Variants in GPCPD1 observed in about 807,000 individuals in gnomAD.
GPCPD1 encodes glycerophosphocholine phosphodiesterase 1.
A neutral mutation model predicts 89.2 loss-of-function variants in GPCPD1; 29 were observed. That is an observed-to-expected ratio of 0.33 (90% CI 0.24 to 0.44). GPCPD1 has a LOEUF of 0.44. Among genes scored for constraint, GPCPD1 ranks in the 20% least tolerant of loss-of-function variants. The pLI is 1.00. For synonymous variants in GPCPD1, 258 were observed against 266.3 expected, an observed-to-expected ratio of 0.97 and a Z score of 0.30; for missense variants, 594 against 808.9, an observed-to-expected ratio of 0.73 and a Z score of 3.22.
intron 10 of GPCPD1, 43 bp downstream of exon 10, chr20:5,575,370 T>C: frequency 1.4e-6 from 2 of 1,450,448 alleles, no homozygotes; most frequent in Non-Finnish European, 1.9e-6. Context: ...CTACCGAACA[T>C]AAGCTACACC....
At chr20:5,579,869 A>T (rs1226966682) in intron 7 of GPCPD1, 139 bp downstream of exon 7, 2 of 497,990 alleles carry the variant, frequency 4.0e-6, no homozygotes, top group Non-Finnish European at 7.2e-6. Flanking sequence ...TAAGTAGTTC[A>T]CTATTACAAA....
intron 8 of GPCPD1, 68 bp downstream of exon 8, chr20:5,578,312 A>C: frequency 2.0e-6 from 2 of 988,634 alleles, no homozygotes; most frequent in South Asian, 2.7e-5. Context: ...AATGAAAATC[A>C]AAACCAACGT....
intron 8 of GPCPD1, among the ~76,000 whole-genome samples, chr20:5,576,378 C>A (rs1424500901): frequency 6.9e-6 from 1 of 144,736 alleles, no homozygotes; most frequent in Non-Finnish European, 1.5e-5. Flanking sequence ...TGAGATCGTA[C>A]CACTGCACTC....
At chr20:5,596,049 G>A (rs1330405136) in intron 3 of GPCPD1, among the ~76,000 whole-genome samples, 2 of 152,112 alleles carry the variant, frequency 1.3e-5, no homozygotes, top group East Asian at 1.9e-4. Context: ...GAAAACAAGA[G>A]ATGAAGAAGG....
chr20:5,553,262 A>C (rs1178503928), intron 19 of GPCPD1, among the ~76,000 whole-genome samples: 7 of 152,164 alleles, frequency 4.6e-5, no homozygotes, highest in Non-Finnish European at 1.0e-4. Context: ...GTGATCTTTG[A>C]TGTCACTATT....
At chr20:5,574,040 G>C in intron 10 of GPCPD1, 71 bp from the exon 11 acceptor site, 1 of 878,668 alleles carries the variant, frequency 1.1e-6, no homozygotes, top group Non-Finnish European at 1.9e-6. Context: ...AAGAAGCAAA[G>C]TGTACTTTCA....
At chr20:5,561,322 G>A in intron 16 of GPCPD1, 143 bp downstream of exon 16, 1 of 490,306 alleles carries the variant, frequency 2.0e-6, no homozygotes. Flanking sequence ...TATTTAAAGG[G>A]TCCAATAAGC....
intron 3 of GPCPD1, among the ~76,000 whole-genome samples, chr20:5,596,958 CT>C (rs1455646469): frequency 6.6e-6 from 1 of 152,112 alleles, no homozygotes; most frequent in Non-Finnish European, 1.5e-5. Context: ...CTGTTCACAT[CT>C]TTTTGACCAA....
At chr20:5,554,160 A>G (rs1422066908) in intron 19 of GPCPD1, among the ~76,000 whole-genome samples, 4 of 118,766 alleles carry the variant, frequency 3.4e-5, no homozygotes, top group African/African-American at 1.4e-4. Flanking sequence ...ATTATTTTGT[A>G]TTTTTAGTAG....
chr20:5,570,992 T>A (rs902349183), intron 11 of GPCPD1, among the ~76,000 whole-genome samples: 3 of 152,220 alleles, frequency 2.0e-5, no homozygotes, highest in African/African-American at 7.2e-5. Flanking sequence ...CTGTATGTCA[T>A]AAACTGACAT....
At chr20:5,549,748 CAAAAAAA>C (rs397864689) in intron 19 of GPCPD1, among the ~76,000 whole-genome samples, 2 of 95,616 alleles carry the variant, frequency 2.1e-5, no homozygotes, top group Middle Eastern at 6.6e-3. Context: ...GAACCTGCCT[CAAAAAAA>C]AAAAAAAAAA....
At chr20:5,598,000 C>T (rs80196735) in intron 3 of GPCPD1, among the ~76,000 whole-genome samples, 4,866 of 151,988 alleles carry the variant, frequency 0.032, 270 homozygotes, top group African/African-American at 0.11. Context: ...AGAATATGTA[C>T]TTACCATTAA....
chr20:5,609,660 T>G (rs541833224), intron 1 of GPCPD1, among the ~76,000 whole-genome samples: 1 of 152,186 alleles, frequency 6.6e-6, no homozygotes, highest in African/African-American at 2.4e-5. Flanking sequence ...TGAGTTTTCT[T>G]TTGTGGTCAT....
rs150861332 is a variant in GPCPD1, at chr20:5,601,725, C to A, written c.49+2639G>T. On this transcript the variant is annotated intron_variant, in intron 2 of 19. Transcript: ENST00000379019. ...TTCATGGACTCGTTATTTCTCATCC[C>A]CCACATAAAACAGCAGGCTACTTTT... is the stretch of plus-strand genomic sequence containing the variant. Among the ~76,000 whole-genome samples the A allele has an allele frequency of 3.2e-3, 488 of 152,192 alleles. 3 individuals are homozygous for A. Among genetic ancestry groups the A allele is most frequent in the African/African-American group, 0.011 (462 of 41,528 alleles).
intron 19 of GPCPD1, among the ~76,000 whole-genome samples, chr20:5,549,882 A>G (rs996405522): frequency 1.3e-5 from 2 of 152,152 alleles, no homozygotes; most frequent in South Asian, 4.1e-4. Context: ...AATTAAAGAC[A>G]CAATAGCAGA....
At chr20:5,608,070 A>G (rs1980717479) in intron 1 of GPCPD1, among the ~76,000 whole-genome samples, 1 of 152,230 alleles carries the variant, frequency 6.6e-6, no homozygotes, top group Admixed American at 6.5e-5. Flanking sequence ...CTTAAGGGAA[A>G]TCAGATATTA....
intron 4 of GPCPD1, among the ~76,000 whole-genome samples, chr20:5,586,486 A>G (rs1365095252): frequency 6.6e-6 from 1 of 152,226 alleles, no homozygotes; most frequent in Non-Finnish European, 1.5e-5. Context: ...AACAAAGAAA[A>G]ATGAGATGAA....
At chr20:5,589,594 T>C (rs898526856) in intron 4 of GPCPD1, among the ~76,000 whole-genome samples, 5 of 152,016 alleles carry the variant, frequency 3.3e-5, no homozygotes, top group African/African-American at 1.2e-4. Context: ...AGAGCGAAAC[T>C]CCATCTCAAA....
intron 3 of GPCPD1, among the ~76,000 whole-genome samples, chr20:5,595,459 T>C (rs1373382986): frequency 1.3e-5 from 2 of 151,690 alleles, no homozygotes; most frequent in Non-Finnish European, 2.9e-5. Context: ...TGACCAACAT[T>C]ATGAAACCAC....
Sources: allele counts gnomAD v4.1 joint callset (sites outside exome capture counted in the v4.1 genomes callset), GRCh38; gene constraint gnomAD v4.1.1; transcripts MANE v1.5; gene names NCBI Gene and HGNC (gene_info 2026-07-23, HGNC 2026-07-21).